KIAA1328: variants seen among roughly 807,000 people sequenced by gnomAD.
KIAA1328 encodes protein hinderin.
Under a neutral mutation model 68.1 loss-of-function variants are expected in KIAA1328, and 52 were observed. The observed-to-expected ratio is 0.76, with a 90% CI of 0.61 to 0.96. KIAA1328 has a LOEUF of 0.96. Among genes scored for constraint, KIAA1328 ranks in the 40% least tolerant of loss-of-function variants. The pLI, the probability that KIAA1328 is intolerant of heterozygous loss-of-function variation, is 0.00. For synonymous variants in KIAA1328, 232 were observed against 239.4 expected (o/e 0.97, Z 0.28); for missense variants, 641 against 677.6 (o/e 0.95, Z 0.60).
intron 6 of KIAA1328, among the ~76,000 whole-genome samples, chr18:36,985,704 A>G (rs903689868): frequency 6.6e-6 from 1 of 152,164 alleles, no homozygotes; most frequent in African/African-American, 2.4e-5. Context: ...GGTAAACACA[A>G]ATTAACTCAT....
chr18:37,084,128 A>G, intron 7 of KIAA1328: 1 of 1,468,398 alleles, frequency 6.8e-7, no homozygotes, highest in Non-Finnish European at 8.9e-7. Flanking sequence ...TTTACAGGTT[A>G]AAAGCTCAGG....
In KIAA1328 at chr18:37,222,451, A is replaced by G. The variant is rs1317088562; in HGVS notation, c.*224A>G. The G allele has an allele frequency of 2.2e-6, 3 of 1,384,838 alleles. No homozygotes were observed. Among genetic ancestry groups the G allele is most frequent in the Non-Finnish European group, 2.8e-6 (3 of 1,070,428 alleles). The allele number at this position is 1,384,838 out of a possible 1,614,324, so 85.8% of individuals were successfully genotyped here. On this transcript the variant is annotated 3_prime_UTR_variant, in exon 10 of 10. Coordinates refer to ENST00000280020, the MANE Select transcript of KIAA1328 (RefSeq NM_020776.3). ...TAAGGGGGTAGGAATGGAAGATGGT[A>G]TCTTTTATATGCTAAACAGATTAGA...
chr18:37,039,728 AAACAGATTAT>A (rs1420819513), intron 6 of KIAA1328, among the ~76,000 whole-genome samples: 1 of 152,136 alleles, frequency 6.6e-6, no homozygotes. Context: ...TTTCTATGTG[AAACAGATTAT>A]AACAAACTTA....
At chr18:37,185,172 A>G (rs1205153449) in intron 9 of KIAA1328, among the ~76,000 whole-genome samples, 1 of 151,986 alleles carries the variant, frequency 6.6e-6, no homozygotes, top group Non-Finnish European at 1.5e-5. Context: ...TCTCAAAAAA[A>G]AAAAAAAGAA....
chr18:36,959,599 C>G (rs1250744711), intron 6 of KIAA1328, among the ~76,000 whole-genome samples, 164 bp downstream of exon 6: 1 of 152,172 alleles, frequency 6.6e-6, no homozygotes, highest in Non-Finnish European at 1.5e-5. Context: ...CCTTTCCTTT[C>G]TCCTCCTGTT....
At chr18:36,964,580 A>C (rs577157814) in intron 6 of KIAA1328, among the ~76,000 whole-genome samples, 32 of 152,214 alleles carry the variant, frequency 2.1e-4, no homozygotes, top group African/African-American at 7.7e-4. Context: ...TTTATTTACA[A>C]GGTGATTTTT....
chr18:37,228,250 A>C (rs779612313), downstream of KIAA1328, among the ~76,000 whole-genome samples: 10 of 152,222 alleles, frequency 6.6e-5, no homozygotes, highest in Non-Finnish European at 1.3e-4. Context: ...TTGAAATGAC[A>C]ACAAAAGACT....
intron 4 of KIAA1328, among the ~76,000 whole-genome samples, chr18:36,856,050 C>T (rs1373126512): frequency 6.6e-6 from 1 of 151,972 alleles, no homozygotes; most frequent in East Asian, 1.9e-4. Context: ...TAGGAATTGA[C>T]TATCTTATTG....
rs1333095174 is a variant in KIAA1328, at chr18:37,066,914, C to T, written c.601C>T (p.Gln201Ter). ...GGTATCCAGTAGAAAAAGCACTCTC[C>T]AGTGTTCATCTGTGGAACTGGATGG... ...QQVSSRKSTL[Q>*]CSSVELDGSY... The change falls in exon 7 of 10, where the codon CAG becomes TAG. Residue 201 changes from glutamine to a stop codon, truncating the protein, a stop_gained. Coordinates refer to ENST00000280020, the MANE Select transcript of KIAA1328 (RefSeq NM_020776.3). LOFTEE classifies it high-confidence loss of function. 6.2e-7 allele frequency: 1 copy of T among 1,604,072 alleles called. No individual in the cohort carries two copies. Among genetic ancestry groups the T allele is most frequent in the Non-Finnish European group, 8.5e-7 (1 of 1,175,042 alleles).
At chr18:36,871,821 T>C (rs756137250) in intron 4 of KIAA1328, among the ~76,000 whole-genome samples, 1 of 152,156 alleles carries the variant, frequency 6.6e-6, no homozygotes, top group Admixed American at 6.5e-5. Flanking sequence ...CCAGCTAAAC[T>C]GCAGCAGACA....
chr18:36,846,318 A>T (rs946460615), intron 4 of KIAA1328, among the ~76,000 whole-genome samples: 1 of 151,556 alleles, frequency 6.6e-6, no homozygotes, highest in Non-Finnish European at 1.5e-5. Context: ...CTTTCACTAT[A>T]TATTTCCCCC....
chr18:37,070,187 G>A (rs1329277218), intron 7 of KIAA1328, among the ~76,000 whole-genome samples: 1 of 152,130 alleles, frequency 6.6e-6, no homozygotes, highest in Non-Finnish European at 1.5e-5. Context: ...ATAACACACT[G>A]TATGTTTTTC....
At chr18:37,022,396 A>G (rs903185026) in intron 6 of KIAA1328, among the ~76,000 whole-genome samples, 1 of 152,188 alleles carries the variant, frequency 6.6e-6, no homozygotes, top group Admixed American at 6.5e-5. Flanking sequence ...TTTAAATTTT[A>G]GAATTATGGC....
At chr18:36,969,829 A>G (rs959793522) in intron 6 of KIAA1328, among the ~76,000 whole-genome samples, 10 of 152,066 alleles carry the variant, frequency 6.6e-5, no homozygotes, top group African/African-American at 2.4e-4. Context: ...GAGACATAAC[A>G]AAAAAAATCC....
At chr18:37,193,916 T>C (rs1204925784) in intron 9 of KIAA1328, among the ~76,000 whole-genome samples, 1 of 152,224 alleles carries the variant, frequency 6.6e-6, no homozygotes, top group Non-Finnish European at 1.5e-5. Flanking sequence ...ATTATGCATA[T>C]ACAGTCTTAG....
rs1283838373 is a variant in KIAA1328, at chr18:37,193,935, A to G, written c.1523+20854A>G. On this transcript the variant is annotated intron_variant, in intron 9 of 9. Transcript: ENST00000280020. ...TGCATATACAGTCTTAGCTGTATAG[A>G]TGAATGCATGTACCTCATTCTTTTA... 2.6e-5 allele frequency among the ~76,000 whole-genome samples: 4 copies of G among 152,240 alleles called. 1 individual carries two copies. Among genetic ancestry groups the G allele is most frequent in the African/African-American group, 9.6e-5 (4 of 41,468 alleles).
intron 7 of KIAA1328, among the ~76,000 whole-genome samples, chr18:37,146,387 C>CA (rs1438631548): frequency 6.6e-6 from 1 of 152,154 alleles, no homozygotes; most frequent in Non-Finnish European, 1.5e-5. Context: ...TAATGGCCTC[C>CA]AGCTCCATCC....
intron 6 of KIAA1328, among the ~76,000 whole-genome samples, chr18:36,960,197 T>C (rs1377379775): frequency 6.6e-6 from 1 of 152,204 alleles, no homozygotes; most frequent in African/African-American, 2.4e-5. Flanking sequence ...CACGGAGCCT[T>C]GCTCACTGCT....
rs1318896662 is a variant in KIAA1328 at position 37,008,513 on chromosome 18, C to CA, written c.576+49086dup. Among the ~76,000 whole-genome samples, 60 of 151,856 alleles carry CA rather than the reference C, an allele frequency of 4.0e-4. 1 individual carries two copies. Among genetic ancestry groups the CA allele is most frequent in the African/African-American group, 1.1e-3 (45 of 41,454 alleles). On this transcript the variant is annotated intron_variant, in intron 6 of 9. Coordinates refer to ENST00000280020, the MANE Select transcript of KIAA1328 (RefSeq NM_020776.3). Reference sequence around the variant, plus strand: ...ATATAATTCAAAATAGTGCTACCTACAAAAAAAACCCAGAAAATTATAACC... The same window carrying CA: ...ATATAATTCAAAATAGTGCTACCTACAAAAAAAAACCCAGAAAATTATAACC...
Sources: gnomAD v4.1 joint callset for allele counts (sites outside exome capture counted in the v4.1 genomes callset) on GRCh38, gnomAD v4.1.1 for gene constraint, MANE v1.5 for transcripts, NCBI Gene and HGNC (gene_info 2026-07-23, HGNC 2026-07-21) for gene names.